The following GRIK1 variants were observed in gnomAD, a reference collection of about 807,000 sequenced individuals.
The protein encoded by GRIK1 is glutamate receptor ionotropic, kainate 1.
In GRIK1, 69 loss-of-function variants were observed where a neutral mutation model predicts 105.7. The observed-to-expected ratio is 0.65, with a 90% CI of 0.54 to 0.80. The LOEUF is 0.80. GRIK1 is among the 30% of genes least tolerant of loss of function. The probability of loss-of-function intolerance (pLI) is 0.00; values close to 1 mark genes in which losing one functional copy is unlikely to be tolerated. For synonymous variants in GRIK1, 438 were observed against 431.3 expected (o/e 1.02, Z -0.19); for missense variants, 1,109 against 1,167.3 (o/e 0.95, Z 0.73).
intron 16 of GRIK1, among the ~76,000 whole-genome samples, chr21:29,547,354 C>T (rs1316311571): frequency 6.6e-6 from 1 of 152,234 alleles, no homozygotes; most frequent in Admixed American, 6.5e-5. Flanking sequence ...AAGAGAGACA[C>T]ATAACCATAT....
intron 1 of GRIK1, among the ~76,000 whole-genome samples, chr21:29,809,071 A>T (rs2066940252): frequency 6.6e-6 from 1 of 152,122 alleles, no homozygotes; most frequent in African/African-American, 2.4e-5. Flanking sequence ...TTTTCCTTTA[A>T]GTATTTCCCT....
intron 1 of GRIK1, among the ~76,000 whole-genome samples, chr21:29,788,529 A>G (rs536141925): frequency 1.3e-5 from 2 of 152,342 alleles, no homozygotes; most frequent in Admixed American, 1.3e-4. Context: ...TTTTGGCACC[A>G]GGGACTAGTT....
At chr21:29,621,554 C>G (rs1284872229) in intron 7 of GRIK1, among the ~76,000 whole-genome samples, 1 of 152,198 alleles carries the variant, frequency 6.6e-6, no homozygotes, top group Non-Finnish European at 1.5e-5. Flanking sequence ...AACCCTCTTG[C>G]TATAAATTCC....
intron 1 of GRIK1, among the ~76,000 whole-genome samples, chr21:29,863,512 T>C (rs960072045): frequency 1.3e-5 from 2 of 152,224 alleles, no homozygotes; most frequent in African/African-American, 2.4e-5. Context: ...TAATATTTCA[T>C]TTGGCATTTA....
At chr21:29,576,215 G>A (rs1021765285) in intron 14 of GRIK1, among the ~76,000 whole-genome samples, 4 of 152,160 alleles carry the variant, frequency 2.6e-5, no homozygotes, top group Non-Finnish European at 5.9e-5. Flanking sequence ...TGGAATTAGA[G>A]TATTTGAGAT....
chr21:29,915,952 A>G (rs1056511687), intron 1 of GRIK1, among the ~76,000 whole-genome samples: 1 of 151,988 alleles, frequency 6.6e-6, no homozygotes, highest in African/African-American at 2.4e-5. Flanking sequence ...AAACCTCATG[A>G]TATATTCCAA....
chr21:29,752,838 C>CA (rs1263056944), intron 1 of GRIK1, among the ~76,000 whole-genome samples: 2 of 151,704 alleles, frequency 1.3e-5, no homozygotes, highest in Non-Finnish European at 2.9e-5. Flanking sequence ...GCCCTGCCTC[C>CA]AAAAAAATAA....
intron 1 of GRIK1, among the ~76,000 whole-genome samples, chr21:29,804,911 T>C (rs909275904): frequency 1.3e-5 from 2 of 152,164 alleles, no homozygotes; most frequent in African/African-American, 4.8e-5. Context: ...AATAGTCTTA[T>C]CAACTATTAT....
intron 7 of GRIK1, among the ~76,000 whole-genome samples, chr21:29,628,404 C>T (rs1344649923): frequency 6.6e-6 from 1 of 152,196 alleles, no homozygotes; most frequent in African/African-American, 2.4e-5. Context: ...CTTGCAATAA[C>T]AGCTTGCATG....
rs77967368 is a variant in GRIK1, at chr21:29,728,144, C to T, written c.119-34081G>A. On this transcript the variant is annotated intron_variant, in intron 1 of 17. Coordinates refer to ENST00000327783, the MANE Select transcript of GRIK1 (RefSeq NM_001330994.2). ...TATCAGCTACCCAGGTATTCCTTAG[C>T]TCAATCAAGTTGTCATATAAAATTA... is the stretch of plus-strand genomic sequence containing the variant. Among the ~76,000 whole-genome samples the T allele has an allele frequency of 5.9e-3, 899 of 152,292 alleles. 16 individuals carry two copies. The highest frequency in any genetic ancestry group is 0.02 in the African/African-American group (847 of 41,562).
At chr21:29,638,495 G>C (rs2062444004) in intron 7 of GRIK1, among the ~76,000 whole-genome samples, 1 of 152,164 alleles carries the variant, frequency 6.6e-6, no homozygotes, top group South Asian at 2.1e-4. Context: ...AACCATATCA[G>C]TTGTACAAAG....
chr21:29,801,750 A>G (rs2066716810), intron 1 of GRIK1, among the ~76,000 whole-genome samples: 1 of 152,218 alleles, frequency 6.6e-6, no homozygotes, highest in African/African-American at 2.4e-5. Flanking sequence ...TTCAAAAATT[A>G]TTGGTTAAAG....
At chr21:29,833,232 A>G (rs1267930987) in intron 1 of GRIK1, among the ~76,000 whole-genome samples, 1 of 152,134 alleles carries the variant, frequency 6.6e-6, no homozygotes, top group Non-Finnish European at 1.5e-5. Context: ...ATAATTCAAC[A>G]AGTCTCTAGG....
chr21:29,806,385 A>G (rs2066865221), intron 1 of GRIK1, among the ~76,000 whole-genome samples: 2 of 152,030 alleles, frequency 1.3e-5, no homozygotes, highest in South Asian at 4.2e-4. Context: ...ACAAAACCCT[A>G]CAATAAGTTG....
In GRIK1 at chr21:29,543,519, G is replaced by C. The variant is rs955216094; in HGVS notation, c.2608-5635C>G. On this transcript the variant is annotated intron_variant, in intron 16 of 17. Coordinates refer to ENST00000327783, the MANE Select transcript of GRIK1 (RefSeq NM_001330994.2). ...TTTTGCATTCCAGAACTGAGGATTTGGGCAGCATTTCCTGTGGTTTGATCC... is the reference window on the plus strand; with the variant it reads ...TTTTGCATTCCAGAACTGAGGATTTCGGCAGCATTTCCTGTGGTTTGATCC... Among the ~76,000 whole-genome samples the C allele has an allele frequency of 9.9e-5, 15 of 152,208 alleles. No individual in the cohort carries two copies. The East Asian group carries it at 1.2e-3, about 12-fold the overall frequency.
At position 29,776,937 on chromosome 21, in the gene GRIK1, C is replaced by T. The variant is rs145728002; in HGVS notation, c.119-82874G>A. Among the ~76,000 whole-genome samples, 518 of 152,030 alleles carry T rather than the reference C, an allele frequency of 3.4e-3. 4 individuals are homozygous for T. Among genetic ancestry groups the T allele is most frequent in the African/African-American group, 0.011 (473 of 41,452 alleles). ...TTTTACCCTCATAAACTCTGTCTAC[C>T]GAGGATGTCAGACAATACCAGAAGA... On this transcript the variant is annotated intron_variant, in intron 1 of 17. Coordinates refer to ENST00000327783, the MANE Select transcript of GRIK1 (RefSeq NM_001330994.2).
At chr21:29,657,150 T>C (rs902351486) in intron 4 of GRIK1, among the ~76,000 whole-genome samples, 2 of 152,198 alleles carry the variant, frequency 1.3e-5, no homozygotes, top group Admixed American at 6.5e-5. Flanking sequence ...CAGCCAAGAT[T>C]ACCTCTTGAA....
At chr21:29,914,362 C>T (rs1477180868) in intron 1 of GRIK1, among the ~76,000 whole-genome samples, 2 of 152,068 alleles carry the variant, frequency 1.3e-5, no homozygotes, top group Admixed American at 6.6e-5. Flanking sequence ...TCTGCTGGGA[C>T]TTCCGAGAAA....
intron 16 of GRIK1, among the ~76,000 whole-genome samples, chr21:29,552,844 T>C (rs1376105572): frequency 1.3e-5 from 2 of 152,054 alleles, no homozygotes; most frequent in African/African-American, 4.8e-5. Context: ...TTGAGGTTAA[T>C]GAATTTCTGC....
Sources: allele counts gnomAD v4.1 joint callset (sites outside exome capture counted in the v4.1 genomes callset), GRCh38; gene constraint gnomAD v4.1.1; transcripts MANE v1.5; gene names NCBI Gene and HGNC (gene_info 2026-07-23, HGNC 2026-07-21).